The following GMFG variants were observed in gnomAD, a reference collection of about 807,000 sequenced individuals.
GMFG encodes the protein glia maturation factor gamma.
In GMFG, 21 loss-of-function variants were observed where a neutral mutation model predicts 26.1. The ratio of observed to expected loss-of-function variants is 0.80; its 90% CI spans 0.57 to 1.16. GMFG has a LOEUF of 1.16. Among genes scored for constraint, GMFG ranks in the 50% most tolerant of loss-of-function variants. GMFG has a pLI of 0.00. For missense variants in GMFG, 161 were observed against 178.3 expected (o/e 0.90, Z 0.55); for synonymous variants, 65 against 60.8 (o/e 1.07, Z -0.32).
intron 5 of GMFG, among the ~76,000 whole-genome samples, 157 bp from the exon 6 acceptor site, chr19:39,329,230 G>A (rs1178864108): frequency 6.6e-6 from 1 of 152,174 alleles, no homozygotes; most frequent in African/African-American, 2.4e-5. Flanking sequence ...TGGCTTGGGG[G>A]CTTCAAGTTA....
intron 1 of GMFG, 53 bp downstream of exon 1, chr19:39,335,920 GC>G (rs2075247953): frequency 3.1e-6 from 4 of 1,273,010 alleles, no homozygotes; most frequent in Non-Finnish European, 4.6e-6. Flanking sequence ...TGTCCTCCAA[GC>G]CCCAGCCCCA....
Position 39,335,502 on chromosome 19 carries a change from G to A in GMFG, c.33C>T (p.Asp11=), listed in dbSNP as rs765121529. 1.2e-6 allele frequency: 2 copies of A among 1,613,836 alleles called. No homozygotes were observed. The highest frequency in any genetic ancestry group is 1.7e-6 in the Non-Finnish European group (2 of 1,179,752). The part of the protein sequence containing the change: MSDSLVVCEV[D]PELTEKLRKF... ...TCCTCAGCTTTTCTGTTAGCTCTGG[G>A]TCTACCTCGCACACCACCAGGGAGT... Residue 11 remains aspartate (D), a synonymous_variant, in exon 2 of 7, where the codon GAC becomes GAT. Coordinates refer to ENST00000597595, the MANE Select transcript of GMFG (RefSeq NM_004877.4).
Position 39,336,010 on chromosome 19 carries a change from G to A in GMFG, c.-34C>T, listed in dbSNP as rs757445622. The A allele has an allele frequency of 6.3e-7, 1 of 1,595,002 alleles. No homozygotes were observed. Among genetic ancestry groups the A allele is most frequent in the South Asian group, 1.1e-5 (1 of 90,624 alleles). On this transcript the variant is annotated 5_prime_UTR_variant, in exon 1 of 7. Coordinates refer to ENST00000597595, the MANE Select transcript of GMFG (RefSeq NM_004877.4). ...TGTCCACAGGCCTCTTCTTTTCTTA[G>A]TTCCGCTGTCTTCTAGGCGTGGGGA...
chr19:39,330,553 A>C (rs1215621423), intron 4 of GMFG, among the ~76,000 whole-genome samples: 1 of 150,792 alleles, frequency 6.6e-6, no homozygotes. Flanking sequence ...CTCAGCCTCC[A>C]GAGTAGCTGG....
chr19:39,334,065 G>A (rs2075238784), intron 3 of GMFG, among the ~76,000 whole-genome samples: 1 of 139,492 alleles, frequency 7.2e-6, no homozygotes, highest in Admixed American at 8.0e-5. Context: ...CGCCCAGGCT[G>A]GAGTGCAGTG....
intron 4 of GMFG, among the ~76,000 whole-genome samples, chr19:39,332,034 T>G (rs1359129965): frequency 5.3e-5 from 8 of 151,804 alleles, no homozygotes. Context: ...GCTAATTTTT[T>G]TTTTTTTTAA....
intron 6 of GMFG, 34 bp from the exon 7 acceptor site, chr19:39,328,582 C>G: frequency 6.6e-7 from 1 of 1,520,390 alleles, no homozygotes; most frequent in Non-Finnish European, 9.1e-7. Context: ...TTATGATCTA[C>G]TCAAACACTG....
Position 39,333,079 on chromosome 19 carries a change from G to C in GMFG, c.198C>G (p.Pro66=), listed in dbSNP as rs751712734. 5.0e-6 allele frequency: 8 copies of C among 1,598,928 alleles called. No homozygotes were observed. Among genetic ancestry groups the C allele is most frequent in the Non-Finnish European group, 6.0e-6 (7 of 1,168,750 alleles). The change falls in exon 4 of 7, where the codon CCC becomes CCG. Residue 66 remains proline, a splice_region_variant and synonymous_variant. Transcript: ENST00000597595. ...AACCCTTTCTTCCCCCAGGATACCT[G>C]GGCTGTCTCTCCGGCAACTCCATTT... ...ELKMELPERQ[P]RFVVYSYKYV...
intron 4 of GMFG, chr19:39,332,869 G>T: frequency 2.8e-6 from 1 of 356,240 alleles, no homozygotes; most frequent in Non-Finnish European, 5.3e-6. Flanking sequence ...ATGTTGGTCA[G>T]GCTAGTCTTG....
chr19:39,335,270 T>C lies in GMFG; in HGVS notation c.141A>G (p.Glu47=). 2 of 1,558,144 alleles carry C rather than the reference T, an allele frequency of 1.3e-6. No homozygotes were observed. The highest frequency in any genetic ancestry group is 1.7e-6 in the Non-Finnish European group (2 of 1,151,302). ...DKDRQMVVLE[E]EFQNISPEEL... is the part of the protein sequence containing the mutation. ...CACCCCAGCCCATCACCTGAAATTC[T>C]TCCTCCAGCACCACCATCTGCCGGT... The change falls in exon 3 of 7, where the codon GAA becomes GAG. Residue 47 remains glutamate, a synonymous_variant. Transcript: ENST00000597595.
At position 39,335,491 on chromosome 19, in the gene GMFG, G is replaced by A. The variant is rs1801733; in HGVS notation, c.44C>T (p.Thr15Ile). The change falls in exon 2 of 7, where the codon ACA becomes ATA. Residue 15 changes from threonine (T) to isoleucine (I), a missense_variant. Thr to Ile is a moderately conservative substitution (Grantham distance 89). Coordinates refer to ENST00000597595, the MANE Select transcript of GMFG (RefSeq NM_004877.4). ...GAAGCGGAATTTCCTCAGCTTTTCT[G>A]TTAGCTCTGGGTCTACCTCGCACAC... is the stretch of plus-strand genomic sequence containing the variant. Reference protein sequence around the residue: ...LVVCEVDPELTEKLRKFRFRK... With the variant: ...LVVCEVDPELIEKLRKFRFRK... The A allele has an allele frequency of 1.2e-5, 20 of 1,613,938 alleles. No homozygotes were observed. Among genetic ancestry groups the A allele is most frequent in the Non-Finnish European group, 1.7e-5 (20 of 1,179,876 alleles).
intron 6 of GMFG, 168 bp from the exon 7 acceptor site, chr19:39,328,716 TA>T: frequency 3.3e-6 from 2 of 614,980 alleles, no homozygotes; most frequent in South Asian, 1.9e-5. Flanking sequence ...CTGACTCTAC[TA>T]AAAATACAAA....
intron 3 of GMFG, among the ~76,000 whole-genome samples, chr19:39,334,066 G>C (rs1301818334): frequency 2.0e-5 from 3 of 146,568 alleles, no homozygotes; most frequent in African/African-American, 2.5e-5. Context: ...GCCCAGGCTG[G>C]AGTGCAGTGG....
intron 1 of GMFG, 25 bp from the exon 2 acceptor site, chr19:39,335,556 T>A: frequency 6.7e-7 from 1 of 1,493,058 alleles, no homozygotes; most frequent in Non-Finnish European, 9.3e-7. Context: ...CAGGAAGAGC[T>A]GAAATGGCCT....
chr19:39,335,488 T>C lies in GMFG; in HGVS notation c.47A>G (p.Glu16Gly), dbSNP rs1017448767. ...VVCEVDPELT[E>G]KLRKFRFRKE... is the part of the protein sequence containing the mutation. ...TCGGAAGCGGAATTTCCTCAGCTTT[T>C]CTGTTAGCTCTGGGTCTACCTCGCA... Residue 16 changes from glutamate (E) to glycine (G), a missense_variant, in exon 2 of 7, where the codon GAA becomes GGA. Physicochemically the swap from Glu to Gly is moderately conservative, Grantham distance 98 (BLOSUM62 -2). Transcript: ENST00000597595. The C allele has an allele frequency of 6.8e-6, 11 of 1,613,924 alleles. No individual in the cohort carries two copies. The highest frequency in any genetic ancestry group is 3.3e-5 in the Admixed American group (2 of 59,986).
At chr19:39,333,401 G>A (rs571387363) in intron 3 of GMFG, among the ~76,000 whole-genome samples, 2 of 152,048 alleles carry the variant, frequency 1.3e-5, no homozygotes, top group South Asian at 4.2e-4. Context: ...AGCCGAGATC[G>A]CGCCACTGCA....
intron 4 of GMFG, among the ~76,000 whole-genome samples, chr19:39,332,698 A>AC (rs1489490880): frequency 8.2e-6 from 1 of 122,516 alleles, no homozygotes; most frequent in Non-Finnish European, 1.6e-5. Context: ...TCGCTGTGTC[A>AC]CCCAGGCTGG....
At chr19:39,334,017 C>CT (rs71169586) in intron 3 of GMFG, among the ~76,000 whole-genome samples, 1,764 of 94,932 alleles carry the variant, frequency 0.019, 10 homozygotes, top group Non-Finnish European at 0.026. Flanking sequence ...GAGATGGAGT[C>CT]TTTTTTTTTT....
intron 3 of GMFG, among the ~76,000 whole-genome samples, chr19:39,334,737 G>A (rs539770678): frequency 2.5e-4 from 38 of 152,310 alleles, no homozygotes; most frequent in Non-Finnish European, 4.1e-4. Context: ...TATGAGATAA[G>A]TACTATTCTC....
Sources: gnomAD v4.1 joint callset for allele counts (sites outside exome capture counted in the v4.1 genomes callset) on GRCh38, gnomAD v4.1.1 for gene constraint, MANE v1.5 for transcripts, NCBI Gene and HGNC (gene_info 2026-07-23, HGNC 2026-07-21) for gene names.